The following CACNA1B variants were observed in gnomAD, a reference collection of about 807,000 sequenced individuals.
CACNA1B encodes the protein voltage-dependent N-type calcium channel subunit alpha-1B.
Under a neutral mutation model 247.2 loss-of-function variants are expected in CACNA1B, and 70 were observed. The observed-to-expected ratio is 0.28, with a 90% CI of 0.23 to 0.35. The LOEUF (loss-of-function observed/expected upper bound fraction) is 0.35, where lower values mean the gene tolerates loss of function less well. CACNA1B is among the 10% of genes least tolerant of loss of function. The probability of loss-of-function intolerance (pLI) is 1.00; values close to 1 mark genes in which losing one functional copy is unlikely to be tolerated. For missense variants in CACNA1B, 2,367 were observed against 3,197.4 expected, an observed-to-expected ratio of 0.74 and a Z score of 6.26; for synonymous variants, 1,231 against 1,294.4, an observed-to-expected ratio of 0.95 and a Z score of 1.05.
Position 138,059,073 on chromosome 9 carries a change from G to A in CACNA1B, c.4474-6G>A, listed in dbSNP as rs1312445678. 6.3e-7 allele frequency: 1 copy of A among 1,576,542 alleles called. No individual in the cohort carries two copies. On this transcript the variant is annotated splice_region_variant and splice_polypyrimidine_tract_variant and intron_variant, in intron 29 of 46. Transcript: ENST00000371372. This position sits in a 1 kb window ranked among gnomAD's most constrained non-coding sequence, Gnocchi z 4.2. ...CCATGGCCAACAGTGCCTATTCCCC[G>A]GGCAGTTCTATGATGCACCCTATGA...
In CACNA1B at chr9:138,100,326, C is replaced by T. The variant is rs1343095754; in HGVS notation, c.5223-2385C>T. On this transcript the variant is annotated intron_variant, in intron 37 of 46. Transcript: ENST00000371372. This position sits in a 1 kb window ranked among gnomAD's most constrained non-coding sequence, Gnocchi z 4.6. ...AGTCGCTTTGATTTTGCGTTGTAGA[C>T]AGTGGGCTCAGTCCTTGCATCGAGG... is the stretch of plus-strand genomic sequence containing the variant. 6.6e-6 allele frequency among the ~76,000 whole-genome samples: 1 copy of T among 152,114 alleles called. No homozygotes were observed. The highest frequency in any genetic ancestry group is 1.5e-5 in the Non-Finnish European group (1 of 68,018).
chr9:138,104,968 C>A (rs1035738845), intron 38 of CACNA1B, among the ~76,000 whole-genome samples: 1 of 152,252 alleles, frequency 6.6e-6, no homozygotes, highest in African/African-American at 2.4e-5. Flanking sequence ...ACAGGCTGTC[C>A]ACCTGAGAGG....
chr9:138,098,688 G>A (rs1202580389), intron 37 of CACNA1B, among the ~76,000 whole-genome samples: 9 of 152,170 alleles, frequency 5.9e-5, no homozygotes, highest in Non-Finnish European at 7.3e-5. Context: ...GAGTCTCAGA[G>A]CAGGGGTCCT....
rs1462068921 is a variant in CACNA1B at position 138,100,944 on chromosome 9, C to G, written c.5223-1767C>G. On this transcript the variant is annotated intron_variant, in intron 37 of 46. Coordinates refer to ENST00000371372, the MANE Select transcript of CACNA1B (RefSeq NM_000718.4). The surrounding 1 kb of genome is among the most constrained non-coding windows in gnomAD (Gnocchi z 4.6). ...GGTTGCCACACCTCCCGGGGAGCTC[C>G]AAGCCCCAGTACCCCGGCGAGGTGC... Among the ~76,000 whole-genome samples the G allele has an allele frequency of 6.6e-6, 1 of 152,058 alleles. No individual in the cohort carries two copies. The highest frequency in any genetic ancestry group is 2.4e-5 in the African/African-American group (1 of 41,416).
rs372553001 is a variant in CACNA1B at position 137,948,616 on chromosome 9, T to TA, written c.967-3648dup. Among the ~76,000 whole-genome samples the TA allele has an allele frequency of 4.0e-3, 593 of 148,496 alleles. 7 individuals carry two copies. The highest frequency in any genetic ancestry group is 0.013 in the African/African-American group (515 of 40,540). ...GGCAAGGTTAAGGACATGCCCAGAA[T>TA]AAAAAAAAAACACTTTGGAGAAAGG... On this transcript the variant is annotated intron_variant, in intron 6 of 46. Transcript: ENST00000371372.
intron 10 of CACNA1B, among the ~76,000 whole-genome samples, chr9:137,960,152 G>A: frequency 1.5e-5 from 2 of 135,986 alleles, no homozygotes; most frequent in Non-Finnish European, 3.2e-5. Context: ...AGGGGAGCTT[G>A]GCCTGAGGAA....
chr9:138,006,369 T>G (rs370879047), intron 15 of CACNA1B, among the ~76,000 whole-genome samples: 63 of 152,296 alleles, frequency 4.1e-4, no homozygotes, highest in African/African-American at 1.5e-3. Context: ...TGGGTGGCCG[T>G]GTGCAGCCCA....
chr9:138,092,488 G>T (rs1960911622), intron 36 of CACNA1B, among the ~76,000 whole-genome samples: 1 of 152,142 alleles, frequency 6.6e-6, no homozygotes, highest in Non-Finnish European at 1.5e-5. Context: ...TATCTCCCTT[G>T]TTCCCTGAAA....
chr9:138,032,122 C>A (rs1958994487), intron 20 of CACNA1B, among the ~76,000 whole-genome samples: 2 of 151,730 alleles, frequency 1.3e-5, no homozygotes, highest in Admixed American at 1.3e-4. Context: ...CTTTAGAATT[C>A]CTTTTATCTG....
intron 20 of CACNA1B, among the ~76,000 whole-genome samples, chr9:138,030,169 A>G (rs184354574): frequency 2.6e-5 from 4 of 152,176 alleles, no homozygotes; most frequent in Admixed American, 6.5e-5. Context: ...TTTGTCTTTC[A>G]TCATTTAGTA....
chr9:137,940,922 TAA>T, intron 6 of CACNA1B, among the ~76,000 whole-genome samples: 1 of 152,256 alleles, frequency 6.6e-6, no homozygotes, highest in Non-Finnish European at 1.5e-5. Context: ...CTCAATGTAA[TAA>T]AAGTCATCTA....
rs1405336579 is a variant in CACNA1B at position 138,120,897 on chromosome 9, G to A, written c.6489+16G>A. 1 of 1,554,398 alleles carries A rather than the reference G, an allele frequency of 6.4e-7. No homozygotes were observed. ...CCACCCACAGGTAAGAGGAATAGGT[G>A]GAGAGGTCAGGGCCCAGCTGCCTCT... On this transcript the variant is annotated intron_variant, in intron 46 of 46. Coordinates refer to ENST00000371372, the MANE Select transcript of CACNA1B (RefSeq NM_000718.4).
intron 6 of CACNA1B, among the ~76,000 whole-genome samples, chr9:137,932,483 T>C (rs1005403607): frequency 6.6e-6 from 1 of 152,226 alleles, no homozygotes; most frequent in South Asian, 2.1e-4. Context: ...GGTGAACACA[T>C]GGGCTAGCTT....
chr9:138,049,097 T>A, intron 23 of CACNA1B, 112 bp from the exon 24 acceptor site: 1 of 747,568 alleles, frequency 1.3e-6, no homozygotes, highest in Non-Finnish European at 2.4e-6. Context: ...TTAAGCAGTC[T>A]GCCTGCCTCA....
At chr9:138,118,823 G>A in intron 44 of CACNA1B, 55 bp downstream of exon 44, 1 of 777,120 alleles carries the variant, frequency 1.3e-6, no homozygotes, top group Non-Finnish European at 2.1e-6. Context: ...GGGTGGGGAA[G>A]TGGGGCTGTG....
chr9:138,075,738 C>A, intron 34 of CACNA1B, 81 bp from the exon 35 acceptor site: 1 of 877,748 alleles, frequency 1.1e-6, no homozygotes, highest in Non-Finnish European at 1.9e-6. Flanking sequence ...GTACGGCTCG[C>A]ACGCCCTCTC....
chr9:138,121,417 C>CA lies in CACNA1B; in HGVS notation c.6490-52_6490-51insA, dbSNP rs760079185. On this transcript the variant is annotated intron_variant, in intron 46 of 46. Transcript: ENST00000371372. The surrounding 1 kb of genome is among the most constrained non-coding windows in gnomAD (Gnocchi z 6.8). ...TGATGTGCTCTGTCTGTTGGTTCGG[C>CA]TTTTTTTTTTTTTTTTTTACCTCTG... 1 of 781,084 alleles carries CA rather than the reference C, an allele frequency of 1.3e-6. No individual in the cohort carries two copies. The highest frequency in any genetic ancestry group is 3.7e-5 in the Admixed American group (1 of 27,094). The allele number at this position is 781,084 out of a possible 1,614,324, so 48.4% of individuals were successfully genotyped here. A position where few individuals can be genotyped will look rare whatever the true frequency, so the allele number is the denominator to read the frequency against.
At chr9:138,042,319 G>A (rs546376549) in intron 20 of CACNA1B, among the ~76,000 whole-genome samples, 3 of 152,248 alleles carry the variant, frequency 2.0e-5, no homozygotes, top group South Asian at 2.1e-4. Flanking sequence ...GTGTGTTGGC[G>A]TGCGCCTGTA....
Position 138,058,505 on chromosome 9 carries a change from G to T in CACNA1B, c.4309-64G>T. On this transcript the variant is annotated intron_variant, in intron 28 of 46. Transcript: ENST00000371372. The surrounding 1 kb of genome is among the most constrained non-coding windows in gnomAD (Gnocchi z 4.7). ...GAGGCCTGGCGAGACAGGGCTGGGT[G>T]CAGTAGATGCCGTCGGGTAGGTTTT... is the stretch of plus-strand genomic sequence containing the variant. The T allele has an allele frequency of 7.0e-7, 1 of 1,432,444 alleles. No individual in the cohort carries two copies. The allele number at this position is 1,432,444 out of a possible 1,614,324, so 88.7% of individuals were successfully genotyped here. A position where few individuals can be genotyped will look rare whatever the true frequency, so the allele number is the denominator to read the frequency against.
Sources: gnomAD v4.1 joint callset for allele counts (sites outside exome capture counted in the v4.1 genomes callset) on GRCh38, gnomAD v4.1.1 for gene constraint, Gnocchi (gnomAD v3.1) non-coding constraint, MANE v1.5 for transcripts, NCBI Gene and HGNC (gene_info 2026-07-23, HGNC 2026-07-21) for gene names.